The following ZNF107 variants were observed in gnomAD, a reference collection of about 807,000 sequenced individuals.
The protein encoded by ZNF107 is C2H2 type zinc-finger protein.
ZNF107 carries 19 observed loss-of-function variants against 12.3 expected under a neutral mutation model. The observed-to-expected ratio is 1.55, with a 90% CI of 1.08 to 2.27. The LOEUF is 2.27. Among genes scored for constraint, ZNF107 ranks in the 30% most tolerant of loss-of-function variants. ZNF107 has a pLI of 0.00. For synonymous variants in ZNF107, 317 were observed against 330.5 expected (o/e 0.96, Z 0.44); for missense variants, 958 against 979.9 (o/e 0.98, Z 0.30).
At chr7:64,690,452 G>A in intron 1 of ZNF107, 5 of 985,406 alleles carry the variant, frequency 5.1e-6, no homozygotes, top group Non-Finnish European at 4.8e-6. Flanking sequence ...AGAGATCAGA[G>A]TTTTGGCTGG....
In ZNF107 at chr7:64,706,780, C is replaced by CCTA. The variant is rs1251563097; in HGVS notation, c.685_687dup (p.Tyr229dup). On this transcript the variant is annotated inframe_insertion, in exon 4 of 4. Transcript: ENST00000620827. ...AAGAGAATTCATACTGGAGAAAAGC[C>CCTA]CTACAAATGTGAAGAATGTGGCAAA... 1 of 1,613,194 alleles carries CCTA rather than the reference C, an allele frequency of 6.2e-7. No homozygotes were observed. The highest frequency in any genetic ancestry group is 8.5e-7 in the Non-Finnish European group (1 of 1,179,758).
chr7:64,669,617 A>G (rs1486308418), intron 1 of ZNF107, among the ~76,000 whole-genome samples: 1 of 151,852 alleles, frequency 6.6e-6, no homozygotes, highest in Non-Finnish European at 1.5e-5. Context: ...AACATGGTGA[A>G]GCCCCGTCTC....
At chr7:64,686,832 C>G in intron 1 of ZNF107, 1 of 949,176 alleles carries the variant, frequency 1.1e-6, no homozygotes, top group Non-Finnish European at 1.3e-6. Flanking sequence ...GGCTGACTCC[C>G]TTTTCCGATT....
intron 3 of ZNF107, among the ~76,000 whole-genome samples, chr7:64,696,383 T>C (rs1790289404): frequency 6.6e-6 from 1 of 152,166 alleles, no homozygotes; most frequent in African/African-American, 2.4e-5. Context: ...GGCATGGTAG[T>C]GTGCACCTGT....
Position 64,691,891 on chromosome 7 carries a change from A to G in ZNF107, c.157A>G (p.Ile53Val), listed in dbSNP as rs1453568073. ...LGIAVSKPYL[I>V]TCLEQKKEPW... ...TATTGCTGTCTCTAAGCCATATCTG[A>G]TCACCTGTCTGGAGCAAAAAAAAGA... is the stretch of plus-strand genomic sequence containing the variant. Residue 53 changes from isoleucine to valine, a missense_variant, in exon 3 of 4, where the codon ATC becomes GTC. Physicochemically the swap from Ile to Val is conservative, Grantham distance 29. Coordinates refer to ENST00000620827, the MANE Select transcript of ZNF107 (RefSeq NM_001282359.2). 1 of 1,503,162 alleles carries G rather than the reference A, an allele frequency of 6.7e-7. No individual in the cohort carries two copies. The highest frequency in any genetic ancestry group is 8.8e-7 in the Non-Finnish European group (1 of 1,134,022). The allele number at this position is 1,503,162 out of a possible 1,614,324, so 93.1% of individuals were successfully genotyped here.
chr7:64,692,708 T>G (rs1790155687), intron 3 of ZNF107, among the ~76,000 whole-genome samples: 1 of 152,074 alleles, frequency 6.6e-6, no homozygotes, highest in Non-Finnish European at 1.5e-5. Flanking sequence ...TTGTAAATTT[T>G]TTTTACCTCC....
chr7:64,666,209 C>G lies in ZNF107; in HGVS notation c.-74C>G, dbSNP rs1328434815. 3 of 1,583,312 alleles carry G rather than the reference C, an allele frequency of 1.9e-6. No individual in the cohort carries two copies. Among genetic ancestry groups the G allele is most frequent in the Admixed American group, 3.4e-5 (2 of 59,348 alleles). On this transcript the variant is annotated 5_prime_UTR_variant, in exon 1 of 4. Coordinates refer to ENST00000620827, the MANE Select transcript of ZNF107 (RefSeq NM_001282359.2). ...GTGTCCTCTGCTCCTAGAGGCCCAG[C>G]CTCTGTGTCCCTGTGACCTGCAGAT...
Position 64,706,586 on chromosome 7 carries a change from T to G in ZNF107, c.489T>G (p.Tyr163Ter), listed in dbSNP as rs763782715. 4.3e-6 allele frequency: 7 copies of G among 1,611,466 alleles called. No individual in the cohort carries two copies. The highest frequency in any genetic ancestry group is 5.9e-6 in the Non-Finnish European group (7 of 1,179,140). ...VFDKFSNSNR[Y>*]KRRHTGNKHF... ...ATAAATTTTCAAATTCAAATAGATA[T>G]AAGAGAAGACATACAGGAAACAAAC... The change falls in exon 4 of 4, where the codon TAT becomes TAG. Residue 163 changes from tyrosine (Y) to a stop codon, truncating the protein, a stop_gained. Transcript: ENST00000620827. LOFTEE classifies it low-confidence loss of function (END_TRUNC).
At chr7:64,671,670 A>C (rs931935805) in intron 1 of ZNF107, among the ~76,000 whole-genome samples, 1 of 151,902 alleles carries the variant, frequency 6.6e-6, no homozygotes, top group Non-Finnish European at 1.5e-5. Context: ...GTACACATGC[A>C]GTTTGTTATA....
At position 64,709,121 on chromosome 7, in the gene ZNF107, G is replaced by C; in HGVS notation, c.*465G>C. The C allele has an allele frequency of 4.4e-6, 2 of 457,926 alleles. No individual in the cohort carries two copies. Among genetic ancestry groups the C allele is most frequent in the Non-Finnish European group, 4.4e-6 (1 of 227,108 alleles). 28.4% of individuals were successfully genotyped at this position (457,926 alleles called of 1,614,324 possible). Reference sequence around the variant, plus strand: ...TACAGAAATTCATACTGGAGAGAAAGCCTACAATTGTGAAGAATGTGGCAA... The same window carrying C: ...TACAGAAATTCATACTGGAGAGAAACCCTACAATTGTGAAGAATGTGGCAA... On this transcript the variant is annotated 3_prime_UTR_variant, in exon 4 of 4. Transcript: ENST00000620827.
At chr7:64,689,014 G>A (rs1790024416) in intron 1 of ZNF107, among the ~76,000 whole-genome samples, 1 of 152,148 alleles carries the variant, frequency 6.6e-6, no homozygotes, top group Non-Finnish European at 1.5e-5. Context: ...GCTAATCAAA[G>A]TGTAGATTCC....
chr7:64,669,668 G>A (rs1789147544), intron 1 of ZNF107, among the ~76,000 whole-genome samples: 1 of 151,996 alleles, frequency 6.6e-6, no homozygotes, highest in Non-Finnish European at 1.5e-5. Flanking sequence ...GGCACCTGTA[G>A]TCTTAGCTAC....
intron 1 of ZNF107, among the ~76,000 whole-genome samples, chr7:64,670,103 A>G (rs562958928): frequency 3.4e-4 from 52 of 152,302 alleles, no homozygotes; most frequent in African/African-American, 1.2e-3. Flanking sequence ...ATGGAAGGGG[A>G]ATGAGAGAGT....
intron 1 of ZNF107, among the ~76,000 whole-genome samples, chr7:64,684,952 T>A (rs1789842110): frequency 6.6e-6 from 1 of 152,150 alleles, no homozygotes; most frequent in Non-Finnish European, 1.5e-5. Flanking sequence ...CATTTCTCTA[T>A]CAGCTACCAC....
At chr7:64,687,188 A>G (rs1202260668) in intron 1 of ZNF107, 12 of 986,116 alleles carry the variant, frequency 1.2e-5, no homozygotes, top group Admixed American at 1.2e-4. Flanking sequence ...TGGAAGCCCT[A>G]TTACTATCCC....
chr7:64,708,902 C>A lies in ZNF107; in HGVS notation c.*246C>A. 1 of 580,576 alleles carries A rather than the reference C, an allele frequency of 1.7e-6. No individual in the cohort carries two copies. The allele number at this position is 580,576 out of a possible 1,614,324, so 36.0% of individuals were successfully genotyped here. ...ACAAATGTGAAAAATGTGGCAAATC[C>A]TTTAACTGATCCTCAACTTTTACTA... On this transcript the variant is annotated 3_prime_UTR_variant, in exon 4 of 4. Coordinates refer to ENST00000620827, the MANE Select transcript of ZNF107 (RefSeq NM_001282359.2).
rs770064903 is a variant in ZNF107, at chr7:64,707,705, C to A, written c.1608C>A (p.Pro536=). 1 of 1,612,740 alleles carries A rather than the reference C, an allele frequency of 6.2e-7. No homozygotes were observed. Among genetic ancestry groups the A allele is most frequent in the South Asian group, 1.1e-5 (1 of 91,000 alleles). ...AGAAAATTCATACTGGAGAGAAACC[C>A]TATAAATGTGAGGAATGTGGCAAAG... The part of the protein sequence containing the change: ...EHKKIHTGEK[P]YKCEECGKAF... Residue 536 remains proline (P), a synonymous_variant, in exon 4 of 4, where the codon CCC becomes CCA. Transcript: ENST00000620827.
intron 1 of ZNF107, among the ~76,000 whole-genome samples, chr7:64,671,021 A>C (rs1789202984): frequency 6.6e-6 from 1 of 152,178 alleles, no homozygotes; most frequent in Non-Finnish European, 1.5e-5. Context: ...AATGTTAAAC[A>C]ATGTGTTAGT....
At chr7:64,680,145 A>G (rs1303219966) in intron 1 of ZNF107, among the ~76,000 whole-genome samples, 1 of 151,818 alleles carries the variant, frequency 6.6e-6, no homozygotes, top group South Asian at 2.1e-4. Context: ...CCCACTTCTA[A>G]TCCCCCTCCT....
Sources: allele counts gnomAD v4.1 joint callset (sites outside exome capture counted in the v4.1 genomes callset), GRCh38; gene constraint gnomAD v4.1.1; transcripts MANE v1.5; gene names NCBI Gene and HGNC (gene_info 2026-07-23, HGNC 2026-07-21).